GULP1: variants seen among roughly 807,000 people sequenced by gnomAD.
GULP1 encodes PTB domain-containing engulfment adapter protein 1.
A neutral mutation model predicts 40.9 loss-of-function variants in GULP1; 19 were observed. That is an observed-to-expected ratio of 0.46 (90% CI 0.32 to 0.68). The LOEUF (loss-of-function observed/expected upper bound fraction) is 0.68. Among genes scored for constraint, GULP1 ranks in the 30% least tolerant of loss-of-function variants. GULP1 has a pLI of 0.03. For synonymous variants in GULP1, 119 were observed against 117.6 expected (o/e 1.01, Z -0.08); for missense variants, 312 against 362.2 (o/e 0.86, Z 1.12).
intron 1 of GULP1, among the ~76,000 whole-genome samples, chr2:188,355,335 T>G (rs992241113): frequency 1.3e-5 from 2 of 151,264 alleles, no homozygotes; most frequent in Non-Finnish European, 3.0e-5. Flanking sequence ...AAATCAGAAA[T>G]GAAAAAGGAC....
At chr2:188,379,014 A>G (rs937308436) in intron 1 of GULP1, among the ~76,000 whole-genome samples, 7 of 152,164 alleles carry the variant, frequency 4.6e-5, no homozygotes, top group Non-Finnish European at 7.3e-5. Flanking sequence ...CACTCACACT[A>G]TATATACTGA....
At chr2:188,549,713 C>T (rs1307391958) in intron 7 of GULP1, among the ~76,000 whole-genome samples, 2 of 151,582 alleles carry the variant, frequency 1.3e-5, no homozygotes, top group African/African-American at 4.8e-5. Context: ...TCATAATAGC[C>T]GAAAACTACA....
In GULP1 at chr2:188,410,533, G is replaced by C. The variant is rs182810112; in HGVS notation, c.-45+26644G>C. Among the ~76,000 whole-genome samples the C allele has an allele frequency of 1.0e-3, 159 of 152,292 alleles. 1 individual carries two copies. Among genetic ancestry groups the C allele is most frequent in the South Asian group, 1.0e-2 (48 of 4,824 alleles). Reference sequence around the variant, plus strand: ...TAACCCAATTAAAGAATGAGCAAATGACCTGAATAGACATTTCTCAGAAGA... The same window carrying C: ...TAACCCAATTAAAGAATGAGCAAATCACCTGAATAGACATTTCTCAGAAGA... On this transcript the variant is annotated intron_variant, in intron 2 of 11. Coordinates refer to ENST00000409830, the MANE Select transcript of GULP1 (RefSeq NM_016315.4).
At chr2:188,308,603 A>C (rs1254015322) in intron 1 of GULP1, among the ~76,000 whole-genome samples, 1 of 152,178 alleles carries the variant, frequency 6.6e-6, no homozygotes, top group African/African-American at 2.4e-5. Flanking sequence ...TCAGTAAAAA[A>C]GATGAAGTGT....
At chr2:188,327,807 C>T (rs1028855252) in intron 1 of GULP1, among the ~76,000 whole-genome samples, 10 of 152,074 alleles carry the variant, frequency 6.6e-5, no homozygotes, top group Middle Eastern at 6.8e-3. Context: ...ATGAAAGTGG[C>T]ATTTTTTGAG....
chr2:188,400,509 T>C (rs902436625), intron 2 of GULP1, among the ~76,000 whole-genome samples: 1 of 152,034 alleles, frequency 6.6e-6, no homozygotes, highest in East Asian at 1.9e-4. Context: ...ACGAGGCTAG[T>C]GTAACAGATG....
chr2:188,385,571 C>T (rs1246038401), intron 2 of GULP1, among the ~76,000 whole-genome samples: 6 of 152,144 alleles, frequency 3.9e-5, no homozygotes, highest in Admixed American at 6.5e-5. Flanking sequence ...CCTCAGAAAA[C>T]GGGATTTTCT....
chr2:188,420,017 T>A (rs1022725258), intron 2 of GULP1, among the ~76,000 whole-genome samples: 4 of 152,192 alleles, frequency 2.6e-5, no homozygotes, highest in African/African-American at 9.7e-5. Flanking sequence ...TGTATGGGCT[T>A]ATTTCTGGGT....
At chr2:188,318,841 C>T (rs950609869) in intron 1 of GULP1, among the ~76,000 whole-genome samples, 2 of 152,168 alleles carry the variant, frequency 1.3e-5, no homozygotes, top group African/African-American at 4.8e-5. Flanking sequence ...TAGCTGTGCT[C>T]TGCAAGGAGC....
chr2:188,569,317 GT>G lies in GULP1; in HGVS notation c.480del (p.Glu161LysfsTer16). Reference protein sequence around the residue: ...RKFLESGGKDVETRKQIAGLQ... With the variant: ...RKFLESGGKDXETRKQIAGLQ... ...ATTTCTAGAATCAGGAGGAAAAGAT[GT>G]TGAAACAAGAAAACAGATCGCAGGG... On this transcript the variant is annotated frameshift_variant, in exon 8 of 12. Transcript: ENST00000409830. LOFTEE classifies it high-confidence loss of function. The G allele has an allele frequency of 6.3e-7, 1 of 1,594,592 alleles. No individual in the cohort carries two copies. The highest frequency in any genetic ancestry group is 8.6e-7 in the Non-Finnish European group (1 of 1,162,410).
At chr2:188,400,084 T>C (rs1440843129) in intron 2 of GULP1, among the ~76,000 whole-genome samples, 1 of 152,042 alleles carries the variant, frequency 6.6e-6, no homozygotes, top group Non-Finnish European at 1.5e-5. Flanking sequence ...GGATAGAAGC[T>C]CAAAACCTAG....
chr2:188,362,954 G>A (rs1484190473), intron 1 of GULP1, among the ~76,000 whole-genome samples: 1 of 152,010 alleles, frequency 6.6e-6, no homozygotes, highest in East Asian at 1.9e-4. Context: ...TTAATAGGAG[G>A]TGGGTTCTAA....
At chr2:188,363,680 T>C (rs2152390605) in intron 1 of GULP1, among the ~76,000 whole-genome samples, 1 of 152,180 alleles carries the variant, frequency 6.6e-6, no homozygotes. Context: ...AAATATTAGG[T>C]CGGAGCAATA....
chr2:188,536,504 TG>T (rs1688964853), intron 6 of GULP1, among the ~76,000 whole-genome samples: 1 of 152,088 alleles, frequency 6.6e-6, no homozygotes, highest in Non-Finnish European at 1.5e-5. Context: ...TGTAGACTTG[TG>T]GCTTTATTTC....
intron 4 of GULP1, among the ~76,000 whole-genome samples, chr2:188,500,193 C>T (rs2063304292): frequency 6.6e-6 from 1 of 151,762 alleles, no homozygotes; most frequent in African/African-American, 2.4e-5. Context: ...ATTTTCTGTC[C>T]ACTCATTTAG....
chr2:188,395,350 C>T (rs995776001), intron 2 of GULP1, among the ~76,000 whole-genome samples: 1 of 152,206 alleles, frequency 6.6e-6, no homozygotes, highest in African/African-American at 2.4e-5. Flanking sequence ...ACCTGGCGTG[C>T]ACTCCACCTG....
chr2:188,498,342 A>G (rs941412502), intron 4 of GULP1, among the ~76,000 whole-genome samples: 22 of 152,040 alleles, frequency 1.4e-4, no homozygotes, highest in African/African-American at 4.8e-4. Context: ...TGGGTCAGAG[A>G]TACCTCTTAG....
chr2:188,472,447 G>C (rs1241826146), intron 2 of GULP1, among the ~76,000 whole-genome samples: 2 of 152,046 alleles, frequency 1.3e-5, no homozygotes, highest in Non-Finnish European at 2.9e-5. Context: ...AGATTCGGCA[G>C]GCACGCTTCA....
chr2:188,308,494 GAACA>G (rs2037515186), intron 1 of GULP1, among the ~76,000 whole-genome samples: 2 of 152,104 alleles, frequency 1.3e-5, no homozygotes, highest in African/African-American at 4.8e-5. Context: ...TTGTGTGAGA[GAACA>G]AACCCACAGA....
Sources: gnomAD v4.1 joint callset for allele counts (sites outside exome capture counted in the v4.1 genomes callset) on GRCh38, gnomAD v4.1.1 for gene constraint, MANE v1.5 for transcripts, NCBI Gene and HGNC (gene_info 2026-07-23, HGNC 2026-07-21) for gene names.